The following KLHDC10 variants were observed in gnomAD, a reference collection of about 807,000 sequenced individuals.
KLHDC10 encodes kelch domain containing 10.
In KLHDC10, 24 loss-of-function variants were observed where a neutral mutation model predicts 56.1. The ratio of observed to expected loss-of-function variants is 0.43; its 90% confidence interval spans 0.31 to 0.60. The LOEUF (loss-of-function observed/expected upper bound fraction) is 0.60, where lower values mean the gene tolerates loss of function less well. Among genes scored for constraint, KLHDC10 ranks in the 20% least tolerant of loss-of-function variants. The probability of loss-of-function intolerance (pLI) is 0.11; values close to 1 mark genes in which losing one functional copy is unlikely to be tolerated. For missense variants in KLHDC10, 349 were observed against 567.0 expected, an observed-to-expected ratio of 0.62 and a Z score of 3.91; for synonymous variants, 188 against 207.1, an observed-to-expected ratio of 0.91 and a Z score of 0.79.
intron 1 of KLHDC10, among the ~76,000 whole-genome samples, chr7:130,077,167 C>G (rs1190823128): frequency 6.6e-6 from 1 of 151,284 alleles, no homozygotes; most frequent in Non-Finnish European, 1.5e-5. Context: ...CCAGTCTGAC[C>G]AACATGGGGA....
intron 1 of KLHDC10, among the ~76,000 whole-genome samples, chr7:130,092,924 G>T (rs1046959111): frequency 2.0e-5 from 3 of 151,672 alleles, no homozygotes; most frequent in East Asian, 3.9e-4. Flanking sequence ...TCTTTAGTCC[G>T]ATTCTATCTG....
At chr7:130,083,203 G>A (rs916149492) in intron 1 of KLHDC10, among the ~76,000 whole-genome samples, 14 of 152,048 alleles carry the variant, frequency 9.2e-5, no homozygotes, top group African/African-American at 3.4e-4. Context: ...TCCTTATCCT[G>A]ACTAATTTAA....
In KLHDC10 at chr7:130,120,795, C is replaced by T; in HGVS notation, c.522C>T (p.Ile174=). The part of the protein sequence containing the change: ...NNLLVFGGTG[I]PFGESNGNDV... ...TGTTAGTATTTGGAGGTACGGGCAT[C>T]CCATTTGGAGAGAGCAACGGCAATG... The change falls in exon 4 of 10, where the codon ATC becomes ATT. Residue 174 remains isoleucine (I), a synonymous_variant. Transcript: ENST00000335420. This position sits in a 1 kb window ranked among gnomAD's most constrained non-coding sequence, Gnocchi z 5.1. 1 of 1,614,090 alleles carries T rather than the reference C, an allele frequency of 6.2e-7. No individual in the cohort carries two copies. Among genetic ancestry groups the T allele is most frequent in the Non-Finnish European group, 8.5e-7 (1 of 1,179,990 alleles).
chr7:130,130,765 T>G lies in KLHDC10; in HGVS notation c.*19T>G. On this transcript the variant is annotated 3_prime_UTR_variant, in exon 10 of 10. Transcript: ENST00000335420. The surrounding 1 kb of genome is among the most constrained non-coding windows in gnomAD (Gnocchi z 4.2). ...GAAATGAGGATTTCTGGACTGTTCA[T>G]TGATACTGGAAATGTTAATTTAAAG... 3.7e-6 allele frequency: 6 copies of G among 1,602,934 alleles called. No individual in the cohort carries two copies. Among genetic ancestry groups the G allele is most frequent in the Non-Finnish European group, 5.1e-6 (6 of 1,169,778 alleles).
At chr7:130,115,832 G>C (rs1459267506) in intron 2 of KLHDC10, among the ~76,000 whole-genome samples, 1 of 151,856 alleles carries the variant, frequency 6.6e-6, no homozygotes, top group Non-Finnish European at 1.5e-5. Context: ...TGCTCTCTGA[G>C]ATAAATATAA....
At position 130,134,192 on chromosome 7, in the gene KLHDC10, G is replaced by A. The variant is rs1358649176; in HGVS notation, c.*3446G>A. The A allele has an allele frequency of 1.3e-5, 2 of 152,126 alleles. No individual in the cohort carries two copies. Among genetic ancestry groups the A allele is most frequent in the African/African-American group, 4.8e-5 (2 of 41,410 alleles). The allele number at this position is 152,126 out of a possible 1,614,324, so 9.4% of individuals were successfully genotyped here. The stretch of plus-strand genomic sequence containing the variant: ...TCCCTATCCTTTCCTGTAAGCACCT[G>A]TTTTTCCATGGAATGGGGTTAATGA... On this transcript the variant is annotated 3_prime_UTR_variant, in exon 10 of 10. Transcript: ENST00000335420.
At position 130,133,501 on chromosome 7, in the gene KLHDC10, A is replaced by G. The variant is rs1019548335; in HGVS notation, c.*2755A>G. ...ATTACTTTAGGTTCAAATTATGCCA[A>G]GAATTTTAGATGTGATCAGCTGGCT... is the stretch of plus-strand genomic sequence containing the variant. On this transcript the variant is annotated 3_prime_UTR_variant, in exon 10 of 10. Coordinates refer to ENST00000335420, the MANE Select transcript of KLHDC10 (RefSeq NM_014997.4). 1 of 152,248 alleles carries G rather than the reference A, an allele frequency of 6.6e-6. No individual in the cohort carries two copies. The highest frequency in any genetic ancestry group is 1.5e-5 in the Non-Finnish European group (1 of 68,040). 9.4% of individuals were successfully genotyped at this position (152,248 alleles called of 1,614,324 possible).
chr7:130,106,910 G>T (rs1379975776), intron 2 of KLHDC10, among the ~76,000 whole-genome samples: 2 of 152,206 alleles, frequency 1.3e-5, no homozygotes, highest in African/African-American at 4.8e-5. Flanking sequence ...GGTCAAGGCT[G>T]CAGTGAGCAG....
chr7:130,118,451 G>A (rs1796200561), intron 3 of KLHDC10, among the ~76,000 whole-genome samples: 2 of 152,234 alleles, frequency 1.3e-5, no homozygotes, highest in Admixed American at 6.5e-5. Flanking sequence ...AGGGAATGTT[G>A]TAGTTGATCT....
At chr7:130,078,217 C>T (rs1191388497) in intron 1 of KLHDC10, among the ~76,000 whole-genome samples, 1 of 151,198 alleles carries the variant, frequency 6.6e-6, no homozygotes, top group Non-Finnish European at 1.5e-5. Context: ...AAAACACACA[C>T]AAAAAAATTA....
chr7:130,073,052 A>C (rs1243700359), intron 1 of KLHDC10, among the ~76,000 whole-genome samples: 1 of 146,808 alleles, frequency 6.8e-6, no homozygotes, highest in Non-Finnish European at 1.5e-5. Context: ...CACCTCGCCC[A>C]GCCAAATTTT....
intron 1 of KLHDC10, among the ~76,000 whole-genome samples, chr7:130,081,971 C>G (rs867570187): frequency 6.6e-6 from 1 of 152,042 alleles, no homozygotes; most frequent in Non-Finnish European, 1.5e-5. Context: ...TGTCTCCCAC[C>G]CCCTACCACA....
At chr7:130,119,239 G>A (rs1364257344) in intron 3 of KLHDC10, among the ~76,000 whole-genome samples, 3 of 151,590 alleles carry the variant, frequency 2.0e-5, no homozygotes, top group African/African-American at 7.3e-5. Context: ...GGCTAGGTGT[G>A]GTGCCTCACC....
intron 2 of KLHDC10, among the ~76,000 whole-genome samples, chr7:130,114,741 G>C (rs970443469): frequency 3.9e-5 from 6 of 152,082 alleles, no homozygotes; most frequent in Admixed American, 1.3e-4. Flanking sequence ...TGAGTAGTAT[G>C]GTACTGAACT....
chr7:130,097,793 C>G (rs1038771339), intron 2 of KLHDC10, among the ~76,000 whole-genome samples: 1 of 151,956 alleles, frequency 6.6e-6, no homozygotes, highest in Non-Finnish European at 1.5e-5. Flanking sequence ...ATATTCATAC[C>G]CTTTGACCTA....
At chr7:130,110,135 A>G (rs973721133) in intron 2 of KLHDC10, among the ~76,000 whole-genome samples, 1 of 152,156 alleles carries the variant, frequency 6.6e-6, no homozygotes, top group African/African-American at 2.4e-5. Context: ...TCATAGTTAC[A>G]TTCAGCTTAT....
Position 130,123,145 on chromosome 7 carries a change from C to G in KLHDC10, c.779+943C>G, listed in dbSNP as rs571472309. Among the ~76,000 whole-genome samples the G allele has an allele frequency of 2.0e-5, 3 of 152,300 alleles. No individual in the cohort carries two copies. In the South Asian group the frequency reaches 6.2e-4, roughly 32 times the overall value. On this transcript the variant is annotated intron_variant, in intron 5 of 9. Transcript: ENST00000335420. The stretch of plus-strand genomic sequence containing the variant: ...CTTCTAGTAGCAGATCTATATCTTT[C>G]ACTTTTCTTTCCTAATAGCAGTTGC...
chr7:130,083,393 C>T (rs1021893260), intron 1 of KLHDC10, among the ~76,000 whole-genome samples: 3 of 152,230 alleles, frequency 2.0e-5, no homozygotes, highest in Admixed American at 2.0e-4. Flanking sequence ...GCATTTATGT[C>T]TTTCATTTTA....
chr7:130,098,770 A>G (rs1169682624), intron 2 of KLHDC10, among the ~76,000 whole-genome samples: 5 of 152,182 alleles, frequency 3.3e-5, no homozygotes, highest in African/African-American at 4.8e-5. Context: ...TATAAAACAC[A>G]TAAACATAAA....
Sources: allele counts gnomAD v4.1 joint callset (sites outside exome capture counted in the v4.1 genomes callset), GRCh38; gene constraint gnomAD v4.1.1; non-coding constraint Gnocchi (gnomAD v3.1); transcripts MANE v1.5; gene names NCBI Gene and HGNC (gene_info 2026-07-23, HGNC 2026-07-21).